Variants in FSTL4 observed in about 807,000 individuals in gnomAD.
FSTL4 encodes follistatin like 4, also known as follistatin-related protein 4.
Under a neutral mutation model 78.2 loss-of-function variants are expected in FSTL4, and 28 were observed. That is an observed-to-expected ratio of 0.36 (90% confidence interval 0.27 to 0.49). The LOEUF (loss-of-function observed/expected upper bound fraction) is 0.49, where lower values mean the gene tolerates loss of function less well. Ranked by LOEUF, FSTL4 falls within the 20% of genes least tolerant of loss-of-function variation. The pLI, the probability that FSTL4 is intolerant of heterozygous loss-of-function variation, is 0.98. For synonymous variants in FSTL4, 422 were observed against 440.5 expected, an observed-to-expected ratio of 0.96 and a Z score of 0.53; for missense variants, 922 against 1,084.9, an observed-to-expected ratio of 0.85 and a Z score of 2.11.
chr5:133,758,886 C>A, the FSTL4 span, among the ~76,000 whole-genome samples: 4 of 152,156 alleles, frequency 2.6e-5, no homozygotes, highest in Non-Finnish European at 4.4e-5. Flanking sequence ...TGATAGCAGA[C>A]CTCAGTTCTT....
At chr5:133,219,277 AT>A (rs1329287394) in intron 12 of FSTL4, among the ~76,000 whole-genome samples, 1 of 151,898 alleles carries the variant, frequency 6.6e-6, no homozygotes, top group Non-Finnish European at 1.5e-5. Context: ...GCCACCCCCC[AT>A]TCTCTCCTAG....
intron 3 of FSTL4, among the ~76,000 whole-genome samples, chr5:133,525,347 G>T (rs1198835182): frequency 1.3e-5 from 2 of 152,126 alleles, no homozygotes; most frequent in East Asian, 1.9e-4. Flanking sequence ...ACCTCACAAG[G>T]ATACACAGAG....
chr5:133,656,141 A>T, the FSTL4 span, among the ~76,000 whole-genome samples: 1 of 152,162 alleles, frequency 6.6e-6, no homozygotes, highest in African/African-American at 2.4e-5. Flanking sequence ...TTTATTTAAG[A>T]GGTACATCTC....
At chr5:133,675,667 C>G in the FSTL4 span, among the ~76,000 whole-genome samples, 1 of 152,216 alleles carries the variant, frequency 6.6e-6, no homozygotes, top group Non-Finnish European at 1.5e-5. Context: ...TCTGCCAAAC[C>G]AGGCCCCAGG....
the FSTL4 span, among the ~76,000 whole-genome samples, chr5:133,650,728 T>C: frequency 1.3e-5 from 2 of 152,218 alleles, no homozygotes. Context: ...GTCAGTCTTC[T>C]GACTTTGTTC....
chr5:133,262,354 C>G (rs527298035), intron 6 of FSTL4, among the ~76,000 whole-genome samples: 16 of 152,334 alleles, frequency 1.1e-4, no homozygotes, highest in African/African-American at 3.8e-4. Flanking sequence ...AGGCTGCACA[C>G]TTGAGTGCCT....
the FSTL4 span, among the ~76,000 whole-genome samples, chr5:133,664,038 G>A: frequency 6.8e-6 from 1 of 147,164 alleles, no homozygotes; most frequent in African/African-American, 2.6e-5. Flanking sequence ...CTGTATGAGT[G>A]TGGGGGCACG....
upstream of FSTL4, among the ~76,000 whole-genome samples, chr5:133,617,298 C>CAAAAAAAAAAAAAAAAAAAAAAAAAAA (rs145317097): frequency 1.6e-5 from 1 of 61,916 alleles, no homozygotes; most frequent in Non-Finnish European, 3.0e-5. Context: ...GACTCCATCT[C>CAAAAAAAAAAAAAAAAAAAAAAAAAAA]AAAAAAAAAA....
chr5:133,465,268 C>G (rs554176035), intron 3 of FSTL4, among the ~76,000 whole-genome samples: 1 of 152,198 alleles, frequency 6.6e-6, no homozygotes, highest in African/African-American at 2.4e-5. Context: ...TCTTACCCAC[C>G]CTTCAAAGTC....
the FSTL4 span, among the ~76,000 whole-genome samples, chr5:133,772,837 T>C: frequency 6.6e-6 from 1 of 152,138 alleles, no homozygotes; most frequent in African/African-American, 2.4e-5. Context: ...TAATTTCTAA[T>C]AATGAACTCT....
Position 133,342,290 on chromosome 5 carries a change from C to A in FSTL4, c.410-25638G>T, listed in dbSNP as rs562369647. ...GAAGCTGTGGGGTCAGGCTGGTCAACACCATGGAGGGGCTTAGAGGGCACC... is the reference window on the plus strand; with the variant it reads ...GAAGCTGTGGGGTCAGGCTGGTCAAAACCATGGAGGGGCTTAGAGGGCACC... On this transcript the variant is annotated intron_variant, in intron 4 of 15. Transcript: ENST00000265342. Among the ~76,000 whole-genome samples the A allele has an allele frequency of 9.2e-5, 14 of 152,176 alleles. No homozygotes were observed. In the South Asian group the frequency reaches 2.7e-3, roughly 29 times the overall value.
chr5:133,274,297 T>C (rs1458955845), intron 6 of FSTL4, among the ~76,000 whole-genome samples: 2 of 150,464 alleles, frequency 1.3e-5, no homozygotes, highest in Non-Finnish European at 3.0e-5. Context: ...TAGAGAGACC[T>C]TGCAAAATCT....
Position 133,225,765 on chromosome 5 carries a change from G to GC in FSTL4, c.1069dup (p.Ala357GlyfsTer9). 1.2e-6 allele frequency: 2 copies of GC among 1,610,350 alleles called. No individual in the cohort carries two copies. The highest frequency in any genetic ancestry group is 1.7e-6 in the Non-Finnish European group (2 of 1,178,230). Reference sequence around the variant, plus strand: ...CTCAGCATGGCATCTTAGGCTGGCTGCCACTCCAGGCTCCTGTGCCTGGCT... The same window carrying GC: ...CTCAGCATGGCATCTTAGGCTGGCTGCCCACTCCAGGCTCCTGTGCCTGGCT... On this transcript the variant is annotated frameshift_variant, in exon 9 of 16. Transcript: ENST00000265342. LOFTEE classifies it high-confidence loss of function. The surrounding 1 kb of genome is among the most constrained non-coding windows in gnomAD (Gnocchi z 4.6).
chr5:133,648,930 G>A, the FSTL4 span, among the ~76,000 whole-genome samples: 1 of 152,118 alleles, frequency 6.6e-6, no homozygotes, highest in Non-Finnish European at 1.5e-5. Flanking sequence ...TACATTCTAT[G>A]TGTTCAGACA....
At chr5:133,385,831 G>C (rs1006381984) in intron 4 of FSTL4, among the ~76,000 whole-genome samples, 1 of 152,132 alleles carries the variant, frequency 6.6e-6, no homozygotes. Context: ...CTAACAACAC[G>C]GGCACATGTC....
chr5:133,639,977 C>T, the FSTL4 span, among the ~76,000 whole-genome samples: 8 of 152,314 alleles, frequency 5.3e-5, no homozygotes, highest in East Asian at 1.5e-3. Context: ...AAAGACTCTG[C>T]ACTGGTTTTG....
At chr5:133,310,507 T>C (rs765604052) in intron 6 of FSTL4, among the ~76,000 whole-genome samples, 2 of 152,174 alleles carry the variant, frequency 1.3e-5, no homozygotes, top group Non-Finnish European at 1.5e-5. Context: ...TTCCATTTCC[T>C]TGAGAGCAAA....
At chr5:133,456,479 A>G (rs1373218002) in intron 3 of FSTL4, among the ~76,000 whole-genome samples, 1 of 152,210 alleles carries the variant, frequency 6.6e-6, no homozygotes, top group Non-Finnish European at 1.5e-5. Context: ...GCATTAGTCC[A>G]GCTTAGGGAG....
chr5:133,507,436 C>A (rs890922195), intron 3 of FSTL4, among the ~76,000 whole-genome samples: 1 of 152,032 alleles, frequency 6.6e-6, no homozygotes, highest in Non-Finnish European at 1.5e-5. Context: ...GAGTCTACTG[C>A]TCTTTTTTGA....
Sources: gnomAD v4.1 joint callset for allele counts (sites outside exome capture counted in the v4.1 genomes callset) on GRCh38, gnomAD v4.1.1 for gene constraint, Gnocchi (gnomAD v3.1) non-coding constraint, MANE v1.5 for transcripts, NCBI Gene and HGNC (gene_info 2026-07-23, HGNC 2026-07-21) for gene names.